Variants in IL1RAPL2 observed in about 807,000 individuals in gnomAD.
The protein encoded by IL1RAPL2 is X-linked interleukin-1 receptor accessory protein-like 2.
Under a neutral mutation model 44.1 loss-of-function variants are expected in IL1RAPL2, and 3 were observed. The observed-to-expected ratio is 0.07, with a 90% CI of 0.03 to 0.18. The LOEUF (loss-of-function observed/expected upper bound fraction) is 0.18, where lower values mean the gene tolerates loss of function less well. Ranked by LOEUF, IL1RAPL2 falls within the 10% of genes least tolerant of loss-of-function variation. The pLI is 1.00. For synonymous variants in IL1RAPL2, 181 were observed against 178.8 expected (o/e 1.01, Z -0.10); for missense variants, 391 against 496.4 (o/e 0.79, Z 2.02).
At chrX:104,791,733 A>G (rs887988594) in intron 2 of IL1RAPL2, among the ~76,000 whole-genome samples, 20 of 111,626 alleles carry the variant, frequency 1.8e-4, no homozygotes, top group African/African-American at 5.5e-4. Context: ...AAGTAGCAGA[A>G]CATGTGAATA....
At chrX:104,644,554 T>C (rs1016040842) in intron 1 of IL1RAPL2, among the ~76,000 whole-genome samples, 1 of 111,238 alleles carries the variant, frequency 9.0e-6, no homozygotes. Flanking sequence ...CTTTTTTTAA[T>C]CTGTTTTTTT....
At chrX:105,071,890 T>A (rs1177895842) in intron 2 of IL1RAPL2, among the ~76,000 whole-genome samples, 1 of 111,735 alleles carries the variant, frequency 8.9e-6, no homozygotes, top group Non-Finnish European at 1.9e-5. Flanking sequence ...GACTTAAATA[T>A]AAGACCTAAA....
rs1205983853 is a variant in IL1RAPL2, at chrX:105,447,075, TTATATATATATA to T, written c.698-37217_698-37206del. On this transcript the variant is annotated intron_variant, in intron 5 of 10. Coordinates refer to ENST00000372582, the MANE Select transcript of IL1RAPL2 (RefSeq NM_017416.2). ...CTTAGAATAGTATATCTGGTTAAAA[TTATATATATATA>T]TATATATATATATATATATAAAAAT... 3.7e-3 allele frequency among the ~76,000 whole-genome samples: 62 copies of T among 16,872 alleles called. 1 individual carries two copies. Among genetic ancestry groups the T allele is most frequent in the South Asian group, 0.021 (6 of 285 alleles). The allele number at this position is 16,872 out of a possible 115,157, so 14.7% of individuals were successfully genotyped here. A position where few individuals can be genotyped will look rare whatever the true frequency, so the allele number is the denominator to read the frequency against.
chrX:105,684,562 A>G (rs916747056), intron 6 of IL1RAPL2, among the ~76,000 whole-genome samples: 8 of 112,862 alleles, frequency 7.1e-5, no homozygotes, highest in Non-Finnish European at 1.5e-4. Context: ...CCACAGCTCA[A>G]CAAGGCCTAC....
Position 104,630,496 on chromosome X carries a change from C to G in IL1RAPL2, c.-19-28399C>G, listed in dbSNP as rs754294957. On this transcript the variant is annotated intron_variant, in intron 1 of 10. Transcript: ENST00000372582. ...TTTTTTCAGTAGAGATGGGGTTTCACCATGTTGGCCAGACTGGTCTCGAAC... is the reference window on the plus strand; with the variant it reads ...TTTTTTCAGTAGAGATGGGGTTTCAGCATGTTGGCCAGACTGGTCTCGAAC... Among the ~76,000 whole-genome samples the G allele has an allele frequency of 5.6e-5, 6 of 107,529 alleles. No homozygotes were observed. The South Asian group carries it at 2.5e-3, about 46-fold the overall frequency. 93.4% of individuals were successfully genotyped at this position (107,529 alleles called of 115,157 possible). A position where few individuals can be genotyped will look rare whatever the true frequency, so the allele number is the denominator to read the frequency against.
At chrX:105,240,371 T>A (rs961301366) in intron 4 of IL1RAPL2, among the ~76,000 whole-genome samples, 48 of 112,731 alleles carry the variant, frequency 4.3e-4, no homozygotes, top group African/African-American at 1.3e-3. Flanking sequence ...ATTTTGGTAT[T>A]GGCTGATTTA....
intron 2 of IL1RAPL2, among the ~76,000 whole-genome samples, chrX:104,956,067 GTC>G (rs1925703280): frequency 8.9e-6 from 1 of 111,937 alleles, no homozygotes; most frequent in Non-Finnish European, 1.9e-5. Context: ...ATGGTAAACT[GTC>G]TCTCAGGATA....
chrX:104,961,315 C>T (rs1462763588), intron 2 of IL1RAPL2, among the ~76,000 whole-genome samples: 2 of 111,735 alleles, frequency 1.8e-5, no homozygotes, highest in African/African-American at 3.3e-5. Context: ...TTCAGTTGAC[C>T]TTCTGGATCC....
chrX:105,011,530 A>G, intron 2 of IL1RAPL2, among the ~76,000 whole-genome samples: 1 of 111,525 alleles, frequency 9.0e-6, no homozygotes. Flanking sequence ...TTCTGGCCCT[A>G]TGGATTTGCA....
At chrX:105,178,614 G>A (rs954845610) in intron 2 of IL1RAPL2, among the ~76,000 whole-genome samples, 1 of 111,284 alleles carries the variant, frequency 9.0e-6, no homozygotes, top group African/African-American at 3.3e-5. Context: ...TCCTACCAAC[G>A]GTGTATAAGA....
chrX:105,041,582 C>A (rs2031738608), intron 2 of IL1RAPL2, among the ~76,000 whole-genome samples: 1 of 110,036 alleles, frequency 9.1e-6, no homozygotes, highest in African/African-American at 3.3e-5. Flanking sequence ...AAAGAGGATA[C>A]AAACAAATGG....
At chrX:104,827,060 T>G (rs762914283) in intron 2 of IL1RAPL2, among the ~76,000 whole-genome samples, 9 of 107,239 alleles carry the variant, frequency 8.4e-5, no homozygotes, top group Admixed American at 1.0e-4. Context: ...GCACACCGAT[T>G]GGTCTTGACT....
intron 5 of IL1RAPL2, among the ~76,000 whole-genome samples, chrX:105,408,301 G>A (rs2035665117): frequency 9.0e-6 from 1 of 111,266 alleles, no homozygotes. Context: ...CTCTGCAGCA[G>A]CAGAGGAAGG....
At chrX:105,369,799 C>T (rs1322795787) in intron 5 of IL1RAPL2, among the ~76,000 whole-genome samples, 2 of 110,986 alleles carry the variant, frequency 1.8e-5, no homozygotes, top group East Asian at 5.7e-4. Flanking sequence ...AAATCTACTT[C>T]CATGGAGAGT....
At chrX:105,626,712 T>C (rs185581458) in intron 6 of IL1RAPL2, among the ~76,000 whole-genome samples, 2 of 111,821 alleles carry the variant, frequency 1.8e-5, no homozygotes, top group Admixed American at 1.9e-4. Flanking sequence ...CCAAATAGTG[T>C]ACATCGTAAA....
intron 2 of IL1RAPL2, among the ~76,000 whole-genome samples, chrX:104,695,349 A>AAG (rs200451049): frequency 0.031 from 3,246 of 105,913 alleles, 59 homozygotes; most frequent in Non-Finnish European, 0.046. Context: ...GAGAGAGAGA[A>AAG]AGAGAGAGAG....
At chrX:104,649,144 CTT>C (rs1930104166) in intron 1 of IL1RAPL2, among the ~76,000 whole-genome samples, 1 of 110,734 alleles carries the variant, frequency 9.0e-6, no homozygotes. Context: ...CTGACTCTAT[CTT>C]TTGCTATCTC....
At chrX:104,804,930 C>T (rs2147615255) in intron 2 of IL1RAPL2, among the ~76,000 whole-genome samples, 1 of 112,071 alleles carries the variant, frequency 8.9e-6, no homozygotes, top group Admixed American at 9.4e-5. Flanking sequence ...GAAGAGGTGT[C>T]ATGAGACAAA....
At chrX:105,204,755 G>A (rs1313199571) in intron 3 of IL1RAPL2, among the ~76,000 whole-genome samples, 1 of 111,527 alleles carries the variant, frequency 9.0e-6, no homozygotes, top group East Asian at 2.8e-4. Flanking sequence ...TACGAATTGT[G>A]TGACCTTGAG....
Sources: gnomAD v4.1 joint callset for allele counts (sites outside exome capture counted in the v4.1 genomes callset) on GRCh38, gnomAD v4.1.1 for gene constraint, MANE v1.5 for transcripts, NCBI Gene and HGNC (gene_info 2026-07-23, HGNC 2026-07-21) for gene names.